The following NPR1 variants were observed in gnomAD, a reference collection of about 807,000 sequenced individuals.
NPR1 encodes the protein atrial natriuretic peptide receptor 1.
A neutral mutation model predicts 116.9 loss-of-function variants in NPR1; 57 were observed. The ratio of observed to expected loss-of-function variants is 0.49; its 90% CI spans 0.39 to 0.61. The LOEUF is 0.61. Ranked by LOEUF, NPR1 falls within the 20% of genes least tolerant of loss-of-function variation. NPR1 has a pLI of 0.00. For missense variants in NPR1, 1,096 were observed against 1,409.8 expected, an observed-to-expected ratio of 0.78 and a Z score of 3.56; for synonymous variants, 555 against 601.6, an observed-to-expected ratio of 0.92 and a Z score of 1.13.
chr1:153,679,826 C>T lies in NPR1; in HGVS notation c.718C>T (p.Arg240Ter), dbSNP rs1451096302. The T allele has an allele frequency of 6.5e-7, 1 of 1,538,818 alleles. No homozygotes were observed. The highest frequency in any genetic ancestry group is 1.4e-5 in the African/African-American group (1 of 73,046). ...GCTGCGGACCATGCCGCGCAAAGGCCGAGGTGAGACGCTGGCACACCCCGT... is the reference window on the plus strand; with the variant it reads ...GCTGCGGACCATGCCGCGCAAAGGCTGAGGTGAGACGCTGGCACACCCCGT... ...RLLRTMPRKG[R>*]VIYICSSPDA... The change falls in exon 1 of 22, where the codon CGA becomes TGA. Residue 240 changes from arginine (R) to a stop codon, truncating the protein, a stop_gained. Transcript: ENST00000368680. LOFTEE classifies it high-confidence loss of function. The surrounding 1 kb of genome is among the most constrained non-coding windows in gnomAD (Gnocchi z 4.2).
Position 153,689,871 on chromosome 1 carries a change from CGCCTGCGAGGTAGCCCGCATG to C in NPR1, c.2827_2847del (p.Cys943_Ala949del). On this transcript the variant is annotated inframe_deletion, in exon 19 of 22. Coordinates refer to ENST00000368680, the MANE Select transcript of NPR1 (RefSeq NM_000906.4). This position sits in a 1 kb window ranked among gnomAD's most constrained non-coding sequence, Gnocchi z 5.1. ...TCCCTGTGCGGAACGGGCGGCTACA[CGCCTGCGAGGTAGCCCGCATG>C]GCCCTGGCACTGCTGGATGCTGTGC... 6.3e-7 allele frequency: 1 copy of C among 1,590,930 alleles called. No individual in the cohort carries two copies. Among genetic ancestry groups the C allele is most frequent in the South Asian group, 1.1e-5 (1 of 88,048 alleles).
At chr1:153,681,445 T>G in intron 3 of NPR1, 152 bp downstream of exon 3, 3 of 645,554 alleles carry the variant, frequency 4.6e-6, no homozygotes, top group Non-Finnish European at 8.1e-6. Flanking sequence ...AGGAGGACAC[T>G]GGCAAGTTCA....
At position 153,682,665 on chromosome 1, in the gene NPR1, C is replaced by T. The variant is rs928283973; in HGVS notation, c.1263+76C>T. 6.5e-6 allele frequency: 7 copies of T among 1,080,764 alleles called. No individual in the cohort carries two copies. The East Asian group carries it at 1.7e-4, about 27-fold the overall frequency. 66.9% of individuals were successfully genotyped at this position (1,080,764 alleles called of 1,614,324 possible). On this transcript the variant is annotated intron_variant, in intron 5 of 21. Transcript: ENST00000368680. ...CTCCTACTTCCCCCCCACAGCCCTG[C>T]CAGGGCACCTGTTTATCCTGTAGCC... is the stretch of plus-strand genomic sequence containing the variant.
chr1:153,678,913 C>T lies in NPR1; in HGVS notation c.-196C>T. 1 of 697,712 alleles carries T rather than the reference C, an allele frequency of 1.4e-6. No individual in the cohort carries two copies. Among genetic ancestry groups the T allele is most frequent in the Non-Finnish European group, 2.1e-6 (1 of 470,658 alleles). The allele number at this position is 697,712 out of a possible 1,614,324, so 43.2% of individuals were successfully genotyped here. A position where few individuals can be genotyped will look rare whatever the true frequency, so the allele number is the denominator to read the frequency against. On this transcript the variant is annotated 5_prime_UTR_variant, in exon 1 of 22. Coordinates refer to ENST00000368680, the MANE Select transcript of NPR1 (RefSeq NM_000906.4). This position sits in a 1 kb window ranked among gnomAD's most constrained non-coding sequence, Gnocchi z 5.8. Reference sequence around the variant, plus strand: ...GCTCCGCGGCGCCCTGCGCGCCCCCCTCGGTCGCGCCCCTTGCGCTCTCGG... The same window carrying T: ...GCTCCGCGGCGCCCTGCGCGCCCCCTTCGGTCGCGCCCCTTGCGCTCTCGG...
intron 13 of NPR1, 99 bp from the exon 14 acceptor site, chr1:153,687,535 T>A: frequency 6.7e-7 from 1 of 1,489,080 alleles, no homozygotes; most frequent in Non-Finnish European, 9.0e-7. Context: ...TCTAACACTC[T>A]GTGATGCATC....
At position 153,679,744 on chromosome 1, in the gene NPR1, T is replaced by A. The variant is rs568037809; in HGVS notation, c.636T>A (p.Asn212Lys). ...GLFMRVRDRL[N>K]ITVDHLEFAE... ...TCATGCGGGTCCGCGACCGCCTCAA[T>A]ATTACGGTGGACCACCTGGAGTTCG... The change falls in exon 1 of 22, where the codon AAT (asparagine) becomes AAA (lysine). Residue 212 changes from asparagine (N) to lysine (K), a missense_variant. By Grantham distance (94) the Asn-to-Lys change is moderately conservative. Transcript: ENST00000368680. The surrounding 1 kb of genome is among the most constrained non-coding windows in gnomAD (Gnocchi z 4.2). 14 of 1,596,676 alleles carry A rather than the reference T, an allele frequency of 8.8e-6. No homozygotes were observed. The highest frequency in any genetic ancestry group is 8.6e-5 in the Admixed American group (5 of 58,302).
chr1:153,682,262 G>A lies in NPR1; in HGVS notation c.1172-236G>A, dbSNP rs189958643. Among the ~76,000 whole-genome samples, 359 of 152,042 alleles carry A rather than the reference G, an allele frequency of 2.4e-3. 1 individual carries two copies. Among genetic ancestry groups the A allele is most frequent in the African/African-American group, 8.3e-3 (345 of 41,466 alleles). The stretch of plus-strand genomic sequence containing the variant: ...TTTAGTAGAGACAGGGTTTCACCAC[G>A]TTGGTCAGGCTGGTCTTGAACTCCT... On this transcript the variant is annotated intron_variant, in intron 4 of 21. Transcript: ENST00000368680.
In NPR1 at chr1:153,680,686, C is replaced by A; in HGVS notation, c.907C>A (p.Arg303Ser). Residue 303 changes from arginine to serine, a missense_variant, in exon 2 of 22, where the codon CGC (arginine) becomes AGC (serine). Transcript: ENST00000368680. ...ERGDGQDVSA[R>S]QAFQAAKIIT... ...AGGGGATGGGCAGGATGTCAGTGCC[C>A]GCCAGGCCTTTCAGGTGAGTACCTA... 6.2e-7 allele frequency: 1 copy of A among 1,613,308 alleles called. No individual in the cohort carries two copies. Among genetic ancestry groups the A allele is most frequent in the South Asian group, 1.1e-5 (1 of 91,050 alleles).
At chr1:153,683,006 G>T (rs1293630885) in intron 5 of NPR1, among the ~76,000 whole-genome samples, 1 of 152,236 alleles carries the variant, frequency 6.6e-6, no homozygotes, top group East Asian at 1.9e-4. Flanking sequence ...CATGGACTGG[G>T]CCTGCGAATG....
At chr1:153,681,577 T>G in intron 3 of NPR1, 127 bp from the exon 4 acceptor site, 1 of 971,412 alleles carries the variant, frequency 1.0e-6, no homozygotes, top group Non-Finnish European at 1.5e-6. Flanking sequence ...AATCTCCCTG[T>G]GATATAGGGG....
In NPR1 at chr1:153,681,308, C is replaced by A; in HGVS notation, c.1035+15C>A. ...AGGATGGCCTGGTAAGAAGGGGTCC[C>A]GGGACCCTCCAGCGTGGACCTCCAG... On this transcript the variant is annotated intron_variant, in intron 3 of 21. Coordinates refer to ENST00000368680, the MANE Select transcript of NPR1 (RefSeq NM_000906.4). The A allele has an allele frequency of 1.3e-6, 2 of 1,483,612 alleles. No individual in the cohort carries two copies. Among genetic ancestry groups the A allele is most frequent in the Admixed American group, 1.7e-5 (1 of 59,804 alleles). 91.9% of individuals were successfully genotyped at this position (1,483,612 alleles called of 1,614,324 possible).
At position 153,686,696 on chromosome 1, in the gene NPR1, C is replaced by T. The variant is rs547491964; in HGVS notation, c.1809C>T (p.Thr603=). ...EHLTRFVGAC[T]DPPNICILTE... is the part of the protein sequence containing the mutation. ...TGACCAGGTTTGTGGGAGCCTGCAC[C>T]GACCCCCCCAATATCTGCATCCTCA... Residue 603 remains threonine, a synonymous_variant, in exon 11 of 22, where the codon ACC becomes ACT. Coordinates refer to ENST00000368680, the MANE Select transcript of NPR1 (RefSeq NM_000906.4). The T allele has an allele frequency of 8.7e-6, 14 of 1,613,814 alleles. No homozygotes were observed. The highest frequency in any genetic ancestry group is 4.5e-5 in the East Asian group (2 of 44,878).
chr1:153,689,670 A>G lies in NPR1; in HGVS notation c.2758-136A>G. ...GACACAGGGAGACCCGGGAACAGGC[A>G]GAGAACCCATGTGGGATGGGGGATG... On this transcript the variant is annotated intron_variant, in intron 18 of 21. Coordinates refer to ENST00000368680, the MANE Select transcript of NPR1 (RefSeq NM_000906.4). The surrounding 1 kb of genome is among the most constrained non-coding windows in gnomAD (Gnocchi z 5.1). 1 of 1,221,646 alleles carries G rather than the reference A, an allele frequency of 8.2e-7. No homozygotes were observed. The highest frequency in any genetic ancestry group is 1.2e-6 in the Non-Finnish European group (1 of 865,356). The allele number at this position is 1,221,646 out of a possible 1,614,324, so 75.7% of individuals were successfully genotyped here. A position where few individuals can be genotyped will look rare whatever the true frequency, so the allele number is the denominator to read the frequency against.
At chr1:153,684,386 CTTTTTTTTTTT>C (rs58272090) in intron 7 of NPR1, among the ~76,000 whole-genome samples, 6 of 88,978 alleles carry the variant, frequency 6.7e-5, no homozygotes, top group Admixed American at 4.9e-4. Flanking sequence ...TTCTTTCTTT[CTTTTTTTTTTT>C]TTTTTTTTTT....
At chr1:153,686,238 C>T in intron 10 of NPR1, 38 bp downstream of exon 10, 2 of 1,585,654 alleles carry the variant, frequency 1.3e-6, no homozygotes, top group East Asian at 2.2e-5. Flanking sequence ...GGAGAAGGGG[C>T]CCTCGGGGAC....
chr1:153,688,180 AC>A lies in NPR1; in HGVS notation c.2378del (p.Pro793HisfsTer7). ...CWAEDPQERP[P>X]FQQIRLTLRK... Reference sequence around the variant, plus strand: ...GGGCTGAGGACCCACAGGAGAGGCCACCATTCCAGCAGATCCGCCTGACGTT... The same window carrying A: ...GGGCTGAGGACCCACAGGAGAGGCCACATTCCAGCAGATCCGCCTGACGTT... On this transcript the variant is annotated frameshift_variant, in exon 15 of 22. Coordinates refer to ENST00000368680, the MANE Select transcript of NPR1 (RefSeq NM_000906.4). LOFTEE classifies it high-confidence loss of function. The A allele has an allele frequency of 6.2e-7, 1 of 1,613,834 alleles. No individual in the cohort carries two copies. Among genetic ancestry groups the A allele is most frequent in the Non-Finnish European group, 8.5e-7 (1 of 1,179,844 alleles).
intron 7 of NPR1, 101 bp downstream of exon 7, chr1:153,683,925 G>C: frequency 1.0e-6 from 1 of 1,003,682 alleles, no homozygotes. Context: ...GGGGTGAAGG[G>C]GCACCAGGGG....
Position 153,685,891 on chromosome 1 carries a change from G to A in NPR1, c.1680+11G>A, listed in dbSNP as rs1159275663. ...ACAGCATATTATAAGGTGGGCCTGG[G>A]GAAAGATCACTGGGCCTTGGGACTG... On this transcript the variant is annotated intron_variant, in intron 9 of 21. Coordinates refer to ENST00000368680, the MANE Select transcript of NPR1 (RefSeq NM_000906.4). 2 of 1,611,636 alleles carry A rather than the reference G, an allele frequency of 1.2e-6. No homozygotes were observed.
Position 153,680,491 on chromosome 1 carries a change from C to G in NPR1, c.722-10C>G, listed in dbSNP as rs766890399. On this transcript the variant is annotated splice_polypyrimidine_tract_variant and intron_variant, in intron 1 of 21. Transcript: ENST00000368680. ...TAGGCTTCTCTCTCTGACTCTCCGT[C>G]TTTCTCCAGTTATCTACATCTGCAG... 14 of 1,613,870 alleles carry G rather than the reference C, an allele frequency of 8.7e-6. No homozygotes were observed. Among genetic ancestry groups the G allele is most frequent in the Non-Finnish European group, 1.0e-5 (12 of 1,179,852 alleles).
Sources: allele counts gnomAD v4.1 joint callset (sites outside exome capture counted in the v4.1 genomes callset), GRCh38; gene constraint gnomAD v4.1.1; non-coding constraint Gnocchi (gnomAD v3.1); transcripts MANE v1.5; gene names NCBI Gene and HGNC (gene_info 2026-07-23, HGNC 2026-07-21).